GALNT13: variants seen among roughly 807,000 people sequenced by gnomAD.
The protein encoded by GALNT13 is UDP-GalNAc:polypeptide N-acetylgalactosaminyltransferase 13.
A neutral mutation model predicts 64.2 loss-of-function variants in GALNT13; 28 were observed. The observed-to-expected ratio is 0.44, with a 90% CI of 0.32 to 0.60. The LOEUF (loss-of-function observed/expected upper bound fraction) is 0.60. GALNT13 is among the 20% of genes least tolerant of loss of function. The pLI, the probability that GALNT13 is intolerant of heterozygous loss-of-function variation, is 0.05. For missense variants in GALNT13, 577 were observed against 669.8 expected, an observed-to-expected ratio of 0.86 and a Z score of 1.53; for synonymous variants, 214 against 224.6, an observed-to-expected ratio of 0.95 and a Z score of 0.42.
chr2:153,709,543 G>A, the GALNT13 span, among the ~76,000 whole-genome samples: 1 of 151,766 alleles, frequency 6.6e-6, no homozygotes, highest in South Asian at 2.1e-4. Context: ...CTGTTGGTGG[G>A]GATTAAATTA....
chr2:153,176,216 T>C, the GALNT13 span, among the ~76,000 whole-genome samples: 1 of 152,166 alleles, frequency 6.6e-6, no homozygotes, highest in Non-Finnish European at 1.5e-5. Context: ...TAATTAAAAG[T>C]GCTACCCAGC....
the GALNT13 span, among the ~76,000 whole-genome samples, chr2:153,566,406 C>G: frequency 8.1e-6 from 1 of 123,552 alleles, no homozygotes; most frequent in African/African-American, 3.3e-5. Flanking sequence ...CCAGGTGGGA[C>G]TGCAGTGGCG....
the GALNT13 span, among the ~76,000 whole-genome samples, chr2:153,524,327 T>A: frequency 6.6e-6 from 1 of 151,510 alleles, no homozygotes; most frequent in Non-Finnish European, 1.5e-5. Context: ...TTCTCTTTTT[T>A]TTTTTTTTTT....
intron 4 of GALNT13, among the ~76,000 whole-genome samples, chr2:154,225,659 A>G (rs1688578715): frequency 6.6e-6 from 1 of 152,160 alleles, no homozygotes; most frequent in Non-Finnish European, 1.5e-5. Context: ...TTAACAGGAA[A>G]GAAAAGGCAT....
At chr2:153,826,819 A>T in the GALNT13 span, among the ~76,000 whole-genome samples, 21 of 152,128 alleles carry the variant, frequency 1.4e-4, no homozygotes, top group African/African-American at 3.9e-4. Context: ...AGATACACTA[A>T]TGCAAAAGTT....
intron 10 of GALNT13, among the ~76,000 whole-genome samples, chr2:154,405,788 C>G (rs1356072061): frequency 6.6e-6 from 1 of 151,948 alleles, no homozygotes; most frequent in East Asian, 1.9e-4. Flanking sequence ...TGAAAAGGAA[C>G]ACTACATCCC....
the GALNT13 span, among the ~76,000 whole-genome samples, chr2:153,587,783 G>A: frequency 2.0e-5 from 3 of 152,248 alleles, no homozygotes; most frequent in African/African-American, 4.8e-5. Flanking sequence ...GTCCCCTAAA[G>A]TCTTAACTCA....
the GALNT13 span, among the ~76,000 whole-genome samples, chr2:153,600,524 C>A: frequency 6.6e-6 from 1 of 152,018 alleles, no homozygotes; most frequent in East Asian, 1.9e-4. Flanking sequence ...GCATGATCTA[C>A]ATACTTATGC....
the GALNT13 span, among the ~76,000 whole-genome samples, chr2:153,182,028 C>A: frequency 1.1e-4 from 17 of 150,500 alleles, no homozygotes; most frequent in Non-Finnish European, 1.9e-4. Context: ...TAATAATAAG[C>A]AGTTTTCTTT....
At chr2:154,079,174 A>G (rs1393753782) in intron 3 of GALNT13, among the ~76,000 whole-genome samples, 3 of 151,778 alleles carry the variant, frequency 2.0e-5, no homozygotes, top group South Asian at 2.1e-4. Context: ...CTAATCACCA[A>G]GAGATTTATG....
At chr2:154,200,203 T>C (rs1200725873) in intron 4 of GALNT13, among the ~76,000 whole-genome samples, 1 of 152,068 alleles carries the variant, frequency 6.6e-6, no homozygotes, top group East Asian at 1.9e-4. Flanking sequence ...CATATTCAAG[T>C]CAGTCCTCTA....
At chr2:153,633,363 A>C in the GALNT13 span, among the ~76,000 whole-genome samples, 68 of 152,266 alleles carry the variant, frequency 4.5e-4, no homozygotes, top group African/African-American at 1.6e-3. Flanking sequence ...ATAAAATAAG[A>C]CATTATCTCA....
intron 3 of GALNT13, among the ~76,000 whole-genome samples, chr2:154,075,019 T>C (rs1009087923): frequency 5.3e-5 from 8 of 151,866 alleles, no homozygotes; most frequent in Non-Finnish European, 8.8e-5. Context: ...TCACCACTTC[T>C]ATTCAACATA....
At chr2:154,317,806 T>C (rs1694404809) in intron 9 of GALNT13, among the ~76,000 whole-genome samples, 1 of 152,094 alleles carries the variant, frequency 6.6e-6, no homozygotes, top group South Asian at 2.1e-4. Flanking sequence ...TATAAGGCAT[T>C]GAGCACACTG....
the GALNT13 span, chr2:153,357,416 A>G: frequency 1.3e-5 from 2 of 152,214 alleles, no homozygotes; most frequent in Non-Finnish European, 2.9e-5. Context: ...CTGACTTTCT[A>G]TGTTAATAAA....
At chr2:153,842,910 C>T in the GALNT13 span, among the ~76,000 whole-genome samples, 2 of 151,982 alleles carry the variant, frequency 1.3e-5, no homozygotes, top group Admixed American at 1.3e-4. Flanking sequence ...ATAACATGTA[C>T]TTGACATTCT....
the GALNT13 span, among the ~76,000 whole-genome samples, chr2:153,081,489 A>T: frequency 3.1e-3 from 470 of 152,130 alleles, 2 homozygotes; most frequent in African/African-American, 0.011. Flanking sequence ...CTACGCATTG[A>T]CTATCCCCAT....
At chr2:153,309,405 T>C in the GALNT13 span, among the ~76,000 whole-genome samples, 4 of 152,122 alleles carry the variant, frequency 2.6e-5, no homozygotes, top group Non-Finnish European at 5.9e-5. Flanking sequence ...ATATCATTCG[T>C]AAAATGAAGA....
At chr2:154,170,502 CTA>C (rs1685289604) in intron 4 of GALNT13, among the ~76,000 whole-genome samples, 1 of 152,084 alleles carries the variant, frequency 6.6e-6, no homozygotes, top group Non-Finnish European at 1.5e-5. Context: ...CCTGGAATAA[CTA>C]TAATAACTGC....
Sources: gnomAD v4.1 joint callset for allele counts (sites outside exome capture counted in the v4.1 genomes callset) on GRCh38, gnomAD v4.1.1 for gene constraint, MANE v1.5 for transcripts, NCBI Gene and HGNC (gene_info 2026-07-23, HGNC 2026-07-21) for gene names.